The following DCUN1D4 variants were observed in gnomAD, a reference collection of about 807,000 sequenced individuals.
DCUN1D4 encodes the protein defective in cullin neddylation 1 domain containing 4.
In DCUN1D4, 22 loss-of-function variants were observed where a neutral mutation model predicts 47.9. The ratio of observed to expected loss-of-function variants is 0.46; its 90% CI spans 0.33 to 0.66. DCUN1D4 has a LOEUF of 0.66. DCUN1D4 is among the 30% of genes least tolerant of loss of function. The pLI is 0.02. For missense variants in DCUN1D4, 301 were observed against 340.8 expected (o/e 0.88, Z 0.92); for synonymous variants, 121 against 112.2 (o/e 1.08, Z -0.50).
chr4:51,892,004 C>T (rs190464467), intron 7 of DCUN1D4, among the ~76,000 whole-genome samples, 153 bp downstream of exon 7: 22 of 152,142 alleles, frequency 1.4e-4, no homozygotes, highest in African/African-American at 4.8e-4. Flanking sequence ...AGACTAAGAC[C>T]CATTTTGAGG....
chr4:51,870,896 A>G (rs1189999973), intron 3 of DCUN1D4, among the ~76,000 whole-genome samples: 1 of 152,024 alleles, frequency 6.6e-6, no homozygotes, highest in African/African-American at 2.4e-5. Flanking sequence ...TGTAGCCTGA[A>G]TGGGTTCCAG....
chr4:51,881,021 G>A (rs1246608900), intron 5 of DCUN1D4, among the ~76,000 whole-genome samples: 2 of 152,048 alleles, frequency 1.3e-5, no homozygotes, highest in African/African-American at 2.4e-5. Context: ...CCAGCTACTC[G>A]GGAAGCTGAG....
At chr4:51,891,923 C>A in intron 7 of DCUN1D4, 72 bp downstream of exon 7, 1 of 1,177,552 alleles carries the variant, frequency 8.5e-7, no homozygotes, top group East Asian at 2.4e-5. Flanking sequence ...CCTAGGACTT[C>A]AGGAGGTGAT....
intron 1 of DCUN1D4, chr4:51,848,163 T>G: frequency 2.4e-6 from 3 of 1,276,162 alleles, no homozygotes; most frequent in Non-Finnish European, 3.1e-6. Context: ...TTAGACAAAG[T>G]CAGTTGTATG....
At chr4:51,851,414 G>T (rs771693540) in intron 1 of DCUN1D4, among the ~76,000 whole-genome samples, 1 of 152,188 alleles carries the variant, frequency 6.6e-6, no homozygotes, top group Non-Finnish European at 1.5e-5. Context: ...GTATGCATGT[G>T]CAGGTGGCAT....
intron 1 of DCUN1D4, chr4:51,844,391 G>A (rs1369719142): frequency 6.1e-6 from 6 of 984,724 alleles, no homozygotes; most frequent in African/African-American, 5.3e-5. Context: ...CCGGACGGCG[G>A]GAAGCGAGGT....
chr4:51,894,597 T>C (rs1272276383), intron 7 of DCUN1D4, among the ~76,000 whole-genome samples: 1 of 152,134 alleles, frequency 6.6e-6, no homozygotes, highest in Non-Finnish European at 1.5e-5. Flanking sequence ...TAAATAAGCA[T>C]TGTATTTGTG....
chr4:51,845,078 A>G (rs575697494), intron 1 of DCUN1D4: 1 of 985,460 alleles, frequency 1.0e-6, no homozygotes, highest in Non-Finnish European at 1.2e-6. Flanking sequence ...TACTTGTGGA[A>G]TAAATGCTTG....
chr4:51,909,278 ACT>A (rs1313436858), intron 8 of DCUN1D4: 2 of 260,028 alleles, frequency 7.7e-6, no homozygotes. Context: ...CAAAGGGAAA[ACT>A]CTTCCAGAGC....
At chr4:51,903,581 T>A (rs1208875334) in intron 8 of DCUN1D4, among the ~76,000 whole-genome samples, 2 of 152,178 alleles carry the variant, frequency 1.3e-5, no homozygotes, top group East Asian at 3.8e-4. Context: ...CTCCAAATAT[T>A]TTTTCTGTTC....
intron 1 of DCUN1D4, among the ~76,000 whole-genome samples, chr4:51,847,162 G>A (rs1425033879): frequency 6.6e-6 from 1 of 152,176 alleles, no homozygotes; most frequent in Non-Finnish European, 1.5e-5. Context: ...GCAACTTGCA[G>A]GTTATATCCC....
intron 6 of DCUN1D4, among the ~76,000 whole-genome samples, chr4:51,889,367 A>G (rs1214447003): frequency 1.3e-5 from 2 of 152,200 alleles, no homozygotes; most frequent in Admixed American, 6.5e-5. Flanking sequence ...TAAAACCCTC[A>G]CTTTGCCTGA....
At chr4:51,842,897 C>A, upstream of DCUN1D4, 1 of 409,898 alleles carries the variant, frequency 2.4e-6, no homozygotes, top group Non-Finnish European at 3.9e-6. Context: ...CTCTCGGACC[C>A]CTGGGGGTGA....
intron 7 of DCUN1D4, among the ~76,000 whole-genome samples, chr4:51,897,528 C>G (rs973296121): frequency 9.2e-5 from 14 of 152,108 alleles, no homozygotes; most frequent in African/African-American, 3.4e-4. Context: ...AATGGTGACT[C>G]TTGATTCTCA....
chr4:51,914,485 A>G lies in DCUN1D4; in HGVS notation c.*901A>G, dbSNP rs945066124. On this transcript the variant is annotated 3_prime_UTR_variant, in exon 11 of 11. Transcript: ENST00000334635. Reference sequence around the variant, plus strand: ...CCTCATGGTTTTGCTGGCTGTTTATAACTGCATCGCACTTCTAGTTGTGGC... The same window carrying G: ...CCTCATGGTTTTGCTGGCTGTTTATGACTGCATCGCACTTCTAGTTGTGGC... 1.3e-5 allele frequency: 2 copies of G among 152,566 alleles called. No homozygotes were observed. Among genetic ancestry groups the G allele is most frequent in the African/African-American group, 4.8e-5 (2 of 41,414 alleles). The allele number at this position is 152,566 out of a possible 1,614,324, so 9.5% of individuals were successfully genotyped here. A position where few individuals can be genotyped will look rare whatever the true frequency, so the allele number is the denominator to read the frequency against.
At chr4:51,837,705 A>G in the DCUN1D4 span, among the ~76,000 whole-genome samples, 8 of 150,674 alleles carry the variant, frequency 5.3e-5, no homozygotes, top group African/African-American at 1.7e-4. Flanking sequence ...GAAGTTAGAA[A>G]TAATTTACAA....
chr4:51,888,380 C>T (rs575988540), intron 6 of DCUN1D4, among the ~76,000 whole-genome samples: 2 of 152,236 alleles, frequency 1.3e-5, no homozygotes, highest in African/African-American at 4.8e-5. Flanking sequence ...TTTCCTCACC[C>T]CCAAATACCA....
At chr4:51,842,054 G>C (rs148087891), upstream of DCUN1D4, among the ~76,000 whole-genome samples, 2,059 of 152,252 alleles carry the variant, frequency 0.014, 16 homozygotes, top group Non-Finnish European at 0.022. Context: ...AATGCGGTGT[G>C]ATAAGTTAGC....
intron 4 of DCUN1D4, among the ~76,000 whole-genome samples, chr4:51,875,520 A>G (rs1727532357): frequency 6.6e-6 from 1 of 152,150 alleles, no homozygotes; most frequent in Non-Finnish European, 1.5e-5. Context: ...TTATTTACAT[A>G]CCATAAAGTT....
Sources: gnomAD v4.1 joint callset for allele counts (sites outside exome capture counted in the v4.1 genomes callset) on GRCh38, gnomAD v4.1.1 for gene constraint, MANE v1.5 for transcripts, NCBI Gene and HGNC (gene_info 2026-07-23, HGNC 2026-07-21) for gene names.